PLPP1: variants seen among roughly 807,000 people sequenced by gnomAD.
PLPP1 encodes phospholipid phosphatase 1.
PLPP1 carries 24 observed loss-of-function variants against 31.2 expected under a neutral mutation model. The observed-to-expected ratio is 0.77, with a 90% confidence interval of 0.56 to 1.08. PLPP1 has a LOEUF of 1.08. Among genes scored for constraint, PLPP1 ranks in the 50% least tolerant of loss-of-function variants. The pLI, the probability that PLPP1 is intolerant of heterozygous loss-of-function variation, is 0.00. For synonymous variants in PLPP1, 146 were observed against 126.3 expected, an observed-to-expected ratio of 1.16 and a Z score of -1.05; for missense variants, 319 against 342.7, an observed-to-expected ratio of 0.93 and a Z score of 0.55.
chr5:55,517,671 A>T (rs1288467278), intron 1 of PLPP1, among the ~76,000 whole-genome samples: 1 of 152,198 alleles, frequency 6.6e-6, no homozygotes, highest in Non-Finnish European at 1.5e-5. Context: ...TATCAATGTG[A>T]TTCTAGACTT....
intron 4 of PLPP1, among the ~76,000 whole-genome samples, chr5:55,433,701 GT>G (rs1324470385): frequency 1.3e-5 from 2 of 151,016 alleles, no homozygotes; most frequent in African/African-American, 4.9e-5. Flanking sequence ...GTTTCACTGT[GT>G]TAGCCAGGAT....
At chr5:55,500,102 C>CA (rs1428374351) in intron 1 of PLPP1, among the ~76,000 whole-genome samples, 1 of 125,580 alleles carries the variant, frequency 8.0e-6, no homozygotes, top group Non-Finnish European at 1.6e-5. Flanking sequence ...TTTTTTGAGA[C>CA]AGAGTCTCGC....
intron 3 of PLPP1, among the ~76,000 whole-genome samples, chr5:55,447,832 C>T (rs921729130): frequency 6.6e-6 from 1 of 152,148 alleles, no homozygotes; most frequent in African/African-American, 2.4e-5. Context: ...CAGGGTCTCG[C>T]TCTGTCACTC....
chr5:55,431,058 A>G lies in PLPP1; in HGVS notation c.550-5019T>C, dbSNP rs577115960. Among the ~76,000 whole-genome samples, 4 of 152,348 alleles carry G rather than the reference A, an allele frequency of 2.6e-5. No individual in the cohort carries two copies. The South Asian group carries it at 8.3e-4, about 32-fold the overall frequency. ...AGAAAGAATGAGCAACAGCTCTGTG[A>G]CATATGTGACACCATAAAGTCATCA... On this transcript the variant is annotated intron_variant, in intron 4 of 5. Transcript: ENST00000307259.
chr5:55,432,098 C>CTTTTTT (rs869025950), intron 4 of PLPP1, among the ~76,000 whole-genome samples: 2 of 7,122 alleles, frequency 2.8e-4, no homozygotes, highest in Non-Finnish European at 7.4e-4. Context: ...TCTTTTTCTT[C>CTTTTTT]TTTTTTTTTT....
At position 55,534,661 on chromosome 5, in the gene PLPP1, T is replaced by C. The variant is rs769280854; in HGVS notation, c.-32A>G. Reference sequence around the variant, plus strand: ...TGCCCGGGCTGCCCGGCAAGGGCGATGGACTGAGCTGCGGGACGGCGGCCG... The same window carrying C: ...TGCCCGGGCTGCCCGGCAAGGGCGACGGACTGAGCTGCGGGACGGCGGCCG... On this transcript the variant is annotated 5_prime_UTR_variant, in exon 1 of 6. Transcript: ENST00000307259. 4 of 1,526,404 alleles carry C rather than the reference T, an allele frequency of 2.6e-6. No homozygotes were observed. The highest frequency in any genetic ancestry group is 2.5e-5 in the South Asian group (2 of 81,514). 94.6% of individuals were successfully genotyped at this position (1,526,404 alleles called of 1,614,324 possible).
intron 1 of PLPP1, among the ~76,000 whole-genome samples, chr5:55,479,941 T>C (rs1436207183): frequency 6.6e-6 from 1 of 152,220 alleles, no homozygotes; most frequent in Non-Finnish European, 1.5e-5. Flanking sequence ...TTAAGATATA[T>C]ATGTATGTGG....
At chr5:55,476,922 C>T (rs1224268110) in intron 1 of PLPP1, among the ~76,000 whole-genome samples, 1 of 152,092 alleles carries the variant, frequency 6.6e-6, no homozygotes, top group East Asian at 1.9e-4. Context: ...AATACATGAA[C>T]CAAAGTTTAG....
At chr5:55,440,851 T>C (rs887517401) in intron 4 of PLPP1, among the ~76,000 whole-genome samples, 6 of 152,190 alleles carry the variant, frequency 3.9e-5, no homozygotes, top group Admixed American at 1.3e-4. Context: ...TAAATTATCA[T>C]ACGGCACTTA....
chr5:55,437,478 AAT>A (rs1324953688), intron 4 of PLPP1, among the ~76,000 whole-genome samples: 1 of 151,898 alleles, frequency 6.6e-6, no homozygotes, highest in African/African-American at 2.4e-5. Context: ...TTCAAAAAAG[AAT>A]ATGTGACCTA....
At chr5:55,473,392 C>A (rs1561236825) in intron 2 of PLPP1, among the ~76,000 whole-genome samples, 1 of 152,164 alleles carries the variant, frequency 6.6e-6, no homozygotes, top group Non-Finnish European at 1.5e-5. Context: ...AACAAGATAT[C>A]ATCTCTGCCT....
intron 1 of PLPP1, among the ~76,000 whole-genome samples, chr5:55,486,112 T>C (rs1752769892): frequency 1.3e-5 from 2 of 152,158 alleles, no homozygotes; most frequent in African/African-American, 4.8e-5. Flanking sequence ...CAGGCCAAAC[T>C]GTGTTCTCAG....
chr5:55,427,017 G>T (rs1751216300), intron 4 of PLPP1, among the ~76,000 whole-genome samples: 1 of 151,614 alleles, frequency 6.6e-6, no homozygotes, highest in Admixed American at 6.6e-5. Context: ...ATGTCAGTCT[G>T]CCTTTGACTT....
intron 1 of PLPP1, among the ~76,000 whole-genome samples, chr5:55,500,509 A>G (rs188790447): frequency 1.1e-4 from 17 of 152,352 alleles, no homozygotes; most frequent in Non-Finnish European, 1.8e-4. Context: ...GGGGCTAAAT[A>G]GCAGAGATGG....
chr5:55,463,965 TAA>T (rs1385048028), intron 3 of PLPP1, among the ~76,000 whole-genome samples: 1 of 151,312 alleles, frequency 6.6e-6, no homozygotes, highest in African/African-American at 2.4e-5. Context: ...TTTTAATGGG[TAA>T]AAGAGTTAAC....
At chr5:55,501,320 A>C (rs1329034048) in intron 1 of PLPP1, among the ~76,000 whole-genome samples, 1 of 152,088 alleles carries the variant, frequency 6.6e-6, no homozygotes, top group Non-Finnish European at 1.5e-5. Context: ...TCTCAAAAAA[A>C]ACAAACAAAC....
intron 1 of PLPP1, among the ~76,000 whole-genome samples, chr5:55,507,926 C>T (rs537961417): frequency 4.0e-5 from 6 of 151,428 alleles, no homozygotes; most frequent in African/African-American, 7.3e-5. Context: ...GGCACAATCT[C>T]AACTCACTGC....
chr5:55,458,915 A>AAC (rs1752087910), intron 3 of PLPP1, among the ~76,000 whole-genome samples: 2 of 148,952 alleles, frequency 1.3e-5, no homozygotes, highest in East Asian at 1.9e-4. Context: ...AAAAAAAAAA[A>AAC]ACACATAGCA....
chr5:55,530,957 A>ACGGTGACGGCCCGGGGCT (rs1740647671), intron 1 of PLPP1, among the ~76,000 whole-genome samples: 1 of 152,188 alleles, frequency 6.6e-6, no homozygotes, highest in Non-Finnish European at 1.5e-5. Context: ...GGCCGAGGTG[A>ACGGTGACGGCCCGGGGCT]CGGTGACGGC....
Sources: gnomAD v4.1 joint callset for allele counts (sites outside exome capture counted in the v4.1 genomes callset) on GRCh38, gnomAD v4.1.1 for gene constraint, MANE v1.5 for transcripts, NCBI Gene and HGNC (gene_info 2026-07-23, HGNC 2026-07-21) for gene names.